The following BLVRA variants were observed in gnomAD, a reference collection of about 807,000 sequenced individuals.
BLVRA encodes the protein biliverdin reductase A, also known as BVR A.
A neutral mutation model predicts 32.8 loss-of-function variants in BLVRA; 22 were observed. That is an observed-to-expected ratio of 0.67 (90% confidence interval 0.48 to 0.96). BLVRA has a LOEUF of 0.96. BLVRA is among the 40% of genes least tolerant of loss of function. BLVRA has a pLI of 0.00. For synonymous variants in BLVRA, 119 were observed against 141.3 expected, an observed-to-expected ratio of 0.84 and a Z score of 1.12; for missense variants, 323 against 358.1, an observed-to-expected ratio of 0.90 and a Z score of 0.79.
At chr7:43,768,931 A>AT (rs55853184) in intron 1 of BLVRA, among the ~76,000 whole-genome samples, 15,563 of 144,200 alleles carry the variant, frequency 0.11, 991 homozygotes, top group Admixed American at 0.2. Flanking sequence ...TCCTTCTGAG[A>AT]TTTTTTTTTT....
intron 4 of BLVRA, 131 bp downstream of exon 4, chr7:43,791,499 A>ATTGG: frequency 3.2e-6 from 3 of 951,578 alleles, no homozygotes; most frequent in Non-Finnish European, 4.9e-6. Context: ...TCTGTGACCA[A>ATTGG]TCACAGAAGT....
chr7:43,796,728 T>G (rs1054983245), intron 5 of BLVRA, among the ~76,000 whole-genome samples: 3 of 152,226 alleles, frequency 2.0e-5, no homozygotes, highest in African/African-American at 7.2e-5. Context: ...TAAAACCTTC[T>G]GTGCCTCAAA....
Position 43,787,457 on chromosome 7 carries a change from C to G in BLVRA, c.13-447C>G, listed in dbSNP as rs1229934909. On this transcript the variant is annotated intron_variant, in intron 2 of 7. Coordinates refer to ENST00000265523, the MANE Select transcript of BLVRA (RefSeq NM_000712.4). This position sits in a 1 kb window ranked among gnomAD's most constrained non-coding sequence, Gnocchi z 4.5. Reference sequence around the variant, plus strand: ...ATCATGGTTTGCCCATTTGCCTCCTCTGCCAGCATCTGATGAAGAAGCTGT... The same window carrying G: ...ATCATGGTTTGCCCATTTGCCTCCTGTGCCAGCATCTGATGAAGAAGCTGT... Among the ~76,000 whole-genome samples, 3 of 152,196 alleles carry G rather than the reference C, an allele frequency of 2.0e-5. No homozygotes were observed. Among genetic ancestry groups the G allele is most frequent in the Non-Finnish European group, 2.9e-5 (2 of 68,026 alleles).
chr7:43,787,944 G>C lies in BLVRA; in HGVS notation c.53G>C (p.Arg18Pro), dbSNP rs763832285. 1 of 1,614,182 alleles carries C rather than the reference G, an allele frequency of 6.2e-7. No homozygotes were observed. Among genetic ancestry groups the C allele is most frequent in the Admixed American group, 1.7e-5 (1 of 60,016 alleles). Residue 18 changes from arginine (R) to proline (P), a missense_variant, in exon 3 of 8, where the codon CGA (arginine) becomes CCA (proline). Physicochemically the swap from Arg to Pro is moderately radical, Grantham distance 103. Transcript: ENST00000265523. This position sits in a 1 kb window ranked among gnomAD's most constrained non-coding sequence, Gnocchi z 4.5. ...GGCGTGGTGGTGGTTGGTGTTGGCC[G>C]AGCCGGCTCCGTGCGGATGAGGGAC... ...KFGVVVVGVGRAGSVRMRDLR... is the reference protein window; with the variant it reads ...KFGVVVVGVGPAGSVRMRDLR...
Position 43,787,854 on chromosome 7 carries a change from C to T in BLVRA, c.13-50C>T, listed in dbSNP as rs1321722844. On this transcript the variant is annotated intron_variant, in intron 2 of 7. Transcript: ENST00000265523. This position sits in a 1 kb window ranked among gnomAD's most constrained non-coding sequence, Gnocchi z 4.5. ...AGCTCCTTTGTTTTGTAGTTTTCTG[C>T]TCGATGCCTACAGTGTTTTCAGACT... The T allele has an allele frequency of 1.2e-6, 2 of 1,614,068 alleles. No homozygotes were observed. Among genetic ancestry groups the T allele is most frequent in the East Asian group, 4.5e-5 (2 of 44,874 alleles).
rs934411673 is a variant in BLVRA at position 43,776,009 on chromosome 7, C to T, written c.12+4839C>T. 1.1e-4 allele frequency among the ~76,000 whole-genome samples: 17 copies of T among 150,612 alleles called. No individual in the cohort carries two copies. The East Asian group carries it at 1.8e-3, about 16-fold the overall frequency. The stretch of plus-strand genomic sequence containing the variant: ...ATATCCCCTTTATCATTTTTTATTG[C>T]GTCTATTTGATTCTTCTCTCTTTTC... On this transcript the variant is annotated intron_variant, in intron 2 of 7. Transcript: ENST00000265523.
intron 2 of BLVRA, among the ~76,000 whole-genome samples, chr7:43,772,269 C>T (rs2095755418): frequency 6.6e-6 from 1 of 152,230 alleles, no homozygotes; most frequent in African/African-American, 2.4e-5. Context: ...GCTGCAGTGG[C>T]AGTTGGGGCC....
intron 6 of BLVRA, 34 bp downstream of exon 6, chr7:43,800,606 AG>A: frequency 6.4e-7 from 1 of 1,571,336 alleles, no homozygotes; most frequent in Non-Finnish European, 8.8e-7. Context: ...GTCACATGTG[AG>A]GTCCAAAGAC....
At position 43,807,310 on chromosome 7, in the gene BLVRA, T is replaced by C. The variant is rs746992435; in HGVS notation, c.*75T>C. ...TCTCAAGAGTTGACCATTATCTCTA[T>C]TCTTAAAATTAAACATGTTGGGGAA... On this transcript the variant is annotated 3_prime_UTR_variant, in exon 8 of 8. Coordinates refer to ENST00000265523, the MANE Select transcript of BLVRA (RefSeq NM_000712.4). 4 of 1,580,628 alleles carry C rather than the reference T, an allele frequency of 2.5e-6. No homozygotes were observed. The highest frequency in any genetic ancestry group is 2.2e-5 in the South Asian group (2 of 90,038).
At chr7:43,767,184 T>C (rs2095749186) in intron 1 of BLVRA, 4 of 570,114 alleles carry the variant, frequency 7.0e-6, no homozygotes, top group Non-Finnish European at 1.3e-5. Flanking sequence ...AGTTCATAAG[T>C]AATGTTCTGT....
chr7:43,788,022 C>T lies in BLVRA; in HGVS notation c.131C>T (p.Ser44Leu), dbSNP rs387906596. ...SAFLNLIGFVSRRELGSIDGV... is the reference protein window; with the variant it reads ...SAFLNLIGFVLRRELGSIDGV... ...TTCCTGAACCTGATTGGCTTCGTGTCGAGGTGGCTCACAATGTCTTTGTGC... is the reference window on the plus strand; with the variant it reads ...TTCCTGAACCTGATTGGCTTCGTGTTGAGGTGGCTCACAATGTCTTTGTGC... Residue 44 changes from serine to leucine, a missense_variant, in exon 3 of 8, where the codon TCG (serine) becomes TTG (leucine). Coordinates refer to ENST00000265523, the MANE Select transcript of BLVRA (RefSeq NM_000712.4). The T allele has an allele frequency of 1.2e-6, 2 of 1,614,008 alleles. No individual in the cohort carries two copies. The highest frequency in any genetic ancestry group is 1.7e-5 in the Admixed American group (1 of 60,002).
intron 2 of BLVRA, among the ~76,000 whole-genome samples, chr7:43,772,459 T>C (rs776039640): frequency 2.0e-5 from 3 of 152,170 alleles, no homozygotes; most frequent in Non-Finnish European, 4.4e-5. Flanking sequence ...CTTCAACTAC[T>C]CAGGCCCATC....
intron 6 of BLVRA, among the ~76,000 whole-genome samples, chr7:43,801,918 T>C (rs2095799109): frequency 6.6e-6 from 1 of 152,024 alleles, no homozygotes; most frequent in Non-Finnish European, 1.5e-5. Context: ...GTGGATCACC[T>C]GAGGTCAGGA....
upstream of BLVRA, among the ~76,000 whole-genome samples, chr7:43,758,274 T>C (rs939088345): frequency 1.6e-5 from 2 of 123,468 alleles, no homozygotes; most frequent in Admixed American, 8.0e-5. Flanking sequence ...TGGGATCCAG[T>C]GGGTTCTACG....
At position 43,807,107 on chromosome 7, in the gene BLVRA, C is replaced by G. The variant is rs1203952720; in HGVS notation, c.763C>G (p.Gln255Glu). 2 of 1,614,004 alleles carry G rather than the reference C, an allele frequency of 1.2e-6. No homozygotes were observed. The highest frequency in any genetic ancestry group is 1.7e-6 in the Non-Finnish European group (2 of 1,180,034). ...GAATAAGAACATATTTCTGAAAGATCAAAATATATTTGTCCAGAAACTCTT... is the reference window on the plus strand; with the variant it reads ...GAATAAGAACATATTTCTGAAAGATGAAAATATATTTGTCCAGAAACTCTT... Reference protein sequence around the residue: ...GVNKNIFLKDQNIFVQKLLGQ... With the variant: ...GVNKNIFLKDENIFVQKLLGQ... Residue 255 changes from glutamine to glutamate, a missense_variant, in exon 8 of 8, where the codon CAA becomes GAA. Coordinates refer to ENST00000265523, the MANE Select transcript of BLVRA (RefSeq NM_000712.4).
chr7:43,804,518 C>T (rs190953071), intron 7 of BLVRA, among the ~76,000 whole-genome samples: 10 of 152,206 alleles, frequency 6.6e-5, no homozygotes, highest in Non-Finnish European at 1.2e-4. Flanking sequence ...TGAAAGTTTT[C>T]GGGCATATTG....
chr7:43,784,421 T>A (rs1478011359), intron 2 of BLVRA, among the ~76,000 whole-genome samples: 1 of 152,114 alleles, frequency 6.6e-6, no homozygotes, highest in Non-Finnish European at 1.5e-5. Flanking sequence ...TAGCTGCTAC[T>A]ACAGAGTGGT....
chr7:43,785,554 G>C (rs1380347043), intron 2 of BLVRA, among the ~76,000 whole-genome samples: 1 of 152,170 alleles, frequency 6.6e-6, no homozygotes, highest in African/African-American at 2.4e-5. Flanking sequence ...AAGAGAGGCA[G>C]TTAGTCATAG....
In BLVRA at chr7:43,787,856, C is replaced by G. The variant is rs765120206; in HGVS notation, c.13-48C>G. ...CTCCTTTGTTTTGTAGTTTTCTGCTCGATGCCTACAGTGTTTTCAGACTCC... is the reference window on the plus strand; with the variant it reads ...CTCCTTTGTTTTGTAGTTTTCTGCTGGATGCCTACAGTGTTTTCAGACTCC... On this transcript the variant is annotated intron_variant, in intron 2 of 7. Coordinates refer to ENST00000265523, the MANE Select transcript of BLVRA (RefSeq NM_000712.4). This position sits in a 1 kb window ranked among gnomAD's most constrained non-coding sequence, Gnocchi z 4.5. 3.7e-6 allele frequency: 6 copies of G among 1,613,926 alleles called. No individual in the cohort carries two copies. Among genetic ancestry groups the G allele is most frequent in the East Asian group, 2.2e-5 (1 of 44,876 alleles).
Sources: allele counts gnomAD v4.1 joint callset (sites outside exome capture counted in the v4.1 genomes callset), GRCh38; gene constraint gnomAD v4.1.1; non-coding constraint Gnocchi (gnomAD v3.1); transcripts MANE v1.5; gene names NCBI Gene and HGNC (gene_info 2026-07-23, HGNC 2026-07-21).